Variants in COX6B1 observed in about 807,000 individuals in gnomAD.
The protein encoded by COX6B1 is COX VIb-1.
A neutral mutation model predicts 14.0 loss-of-function variants in COX6B1; 2 were observed. The observed-to-expected ratio is 0.14, with a 90% CI of 0.06 to 0.45. The LOEUF (loss-of-function observed/expected upper bound fraction) is 0.45, where lower values mean the gene tolerates loss of function less well. Among genes scored for constraint, COX6B1 ranks in the 20% least tolerant of loss-of-function variants. The pLI is 0.98. For synonymous variants in COX6B1, 30 were observed against 39.7 expected (o/e 0.76, Z 0.92); for missense variants, 81 against 114.2 (o/e 0.71, Z 1.33).
At chr19:35,652,903 A>T (rs1323835765) in intron 2 of COX6B1, among the ~76,000 whole-genome samples, 1 of 150,316 alleles carries the variant, frequency 6.7e-6, no homozygotes, top group Non-Finnish European at 1.5e-5. Flanking sequence ...GGTTCAAGTG[A>T]TTCTCCTGCC....
intron 2 of COX6B1, among the ~76,000 whole-genome samples, chr19:35,653,730 G>A (rs1016113627): frequency 4.6e-5 from 7 of 151,764 alleles, no homozygotes; most frequent in East Asian, 1.9e-4. Flanking sequence ...ACAGGTGCCC[G>A]CCACCGCGCC....
At chr19:35,652,781 T>C (rs1967841401) in intron 2 of COX6B1, among the ~76,000 whole-genome samples, 1 of 151,738 alleles carries the variant, frequency 6.6e-6, no homozygotes, top group Admixed American at 6.6e-5. Flanking sequence ...GTTTATTATT[T>C]TATTTTATTT....
intron 3 of COX6B1, among the ~76,000 whole-genome samples, chr19:35,658,345 A>G (rs933803106): frequency 2.0e-5 from 3 of 152,008 alleles, no homozygotes; most frequent in African/African-American, 4.8e-5. Context: ...ACATCTCCCC[A>G]TCGACAGCTC....
intron 2 of COX6B1, among the ~76,000 whole-genome samples, chr19:35,653,221 C>G (rs551973315): frequency 6.6e-6 from 1 of 151,862 alleles, no homozygotes; most frequent in South Asian, 2.1e-4. Flanking sequence ...GATCCACCCC[C>G]CTCAGCCTCC....
chr19:35,649,655 T>C (rs1201474882), intron 1 of COX6B1, among the ~76,000 whole-genome samples: 1 of 152,106 alleles, frequency 6.6e-6, no homozygotes, highest in African/African-American at 2.4e-5. Flanking sequence ...ATTTTTTGTA[T>C]TTTTAGTAGA....
At chr19:35,648,970 A>T (rs1967792012) in intron 1 of COX6B1, 1 of 531,290 alleles carries the variant, frequency 1.9e-6, no homozygotes, top group Non-Finnish European at 3.9e-6. Flanking sequence ...CCACTTCCCC[A>T]CCGAAAGACT....
At chr19:35,653,246 T>G (rs1967849808) in intron 2 of COX6B1, among the ~76,000 whole-genome samples, 1 of 151,332 alleles carries the variant, frequency 6.6e-6, no homozygotes, top group South Asian at 2.1e-4. Flanking sequence ...GTGCTGAGAT[T>G]ACAGGTGTAA....
chr19:35,655,004 A>AT (rs984356752), intron 3 of COX6B1, among the ~76,000 whole-genome samples: 6 of 135,598 alleles, frequency 4.4e-5, no homozygotes, highest in Non-Finnish European at 8.0e-5. Context: ...TATTAGGAAC[A>AT]TTTTTTTTTC....
chr19:35,651,373 A>C, intron 2 of COX6B1, 24 bp downstream of exon 2: 1 of 1,573,178 alleles, frequency 6.4e-7, no homozygotes, highest in Non-Finnish European at 8.7e-7. Flanking sequence ...TTCCCTGGCC[A>C]CATACCTCGA....
At position 35,658,204 on chromosome 19, in the gene COX6B1, G is replaced by A. The variant is rs141464776; in HGVS notation, c.208-390G>A. ...GTATCTTGAAGATCCATCCATTCATGCCAGAACATAAATCAGCCTCGTTTT... is the reference window on the plus strand; with the variant it reads ...GTATCTTGAAGATCCATCCATTCATACCAGAACATAAATCAGCCTCGTTTT... On this transcript the variant is annotated intron_variant, in intron 3 of 3. Coordinates refer to ENST00000649813, the MANE Select transcript of COX6B1 (RefSeq NM_001863.5). Among the ~76,000 whole-genome samples, 47 of 152,200 alleles carry A rather than the reference G, an allele frequency of 3.1e-4. 1 individual carries two copies. In the East Asian group the frequency reaches 8.9e-3, roughly 29 times the overall value.
chr19:35,653,275 TTTTA>T (rs1323699435), intron 2 of COX6B1, among the ~76,000 whole-genome samples: 3 of 149,040 alleles, frequency 2.0e-5, no homozygotes, highest in Admixed American at 6.7e-5. Flanking sequence ...GCCTGGCCAA[TTTTA>T]TTTATTTATT....
At chr19:35,651,478 C>T (rs1967824147) in intron 2 of COX6B1, 129 bp downstream of exon 2, 1 of 728,664 alleles carries the variant, frequency 1.4e-6, no homozygotes, top group African/African-American at 1.7e-5. Flanking sequence ...CCATGCCTCT[C>T]ATCACCTGCT....
At chr19:35,649,280 G>A (rs1019205354) in intron 1 of COX6B1, among the ~76,000 whole-genome samples, 15 of 151,980 alleles carry the variant, frequency 9.9e-5, no homozygotes, top group African/African-American at 3.6e-4. Context: ...TAGCAGCAGC[G>A]GTGATTTTGT....
chr19:35,650,487 A>T (rs938594996), intron 1 of COX6B1, among the ~76,000 whole-genome samples: 1 of 152,274 alleles, frequency 6.6e-6, no homozygotes, highest in Middle Eastern at 3.4e-3. Flanking sequence ...CAAGCCGGGC[A>T]GATCATTTGA....
chr19:35,651,303 C>T lies in COX6B1; in HGVS notation c.60C>T (p.Arg20=). 1.2e-6 allele frequency: 2 copies of T among 1,614,106 alleles called. No individual in the cohort carries two copies. Among genetic ancestry groups the T allele is most frequent in the Non-Finnish European group, 1.7e-6 (2 of 1,179,990 alleles). ...ACAAGACCGCCCCTTTTGACAGCCG[C>T]TTCCCCAACCAGAACCAGACTAGAA... is the stretch of plus-strand genomic sequence containing the variant. ...KNYKTAPFDS[R]FPNQNQTRNC... Residue 20 remains arginine, a synonymous_variant, in exon 2 of 4, where the codon CGC becomes CGT. Transcript: ENST00000649813.
In COX6B1 at chr19:35,656,567, G is replaced by A. The variant is rs146039675; in HGVS notation, c.207+1896G>A. On this transcript the variant is annotated intron_variant, in intron 3 of 3. Coordinates refer to ENST00000649813, the MANE Select transcript of COX6B1 (RefSeq NM_001863.5). ...GCAATCTCAGCTCACTGCAACCTCCGCCTTCCAGGTTCAGGCGATTCCCCT... is the reference window on the plus strand; with the variant it reads ...GCAATCTCAGCTCACTGCAACCTCCACCTTCCAGGTTCAGGCGATTCCCCT... 5.2e-3 allele frequency among the ~76,000 whole-genome samples: 748 copies of A among 142,908 alleles called. 10 individuals carry two copies. The highest frequency in any genetic ancestry group is 0.019 in the African/African-American group (714 of 38,374). 93.8% of individuals were successfully genotyped at this position (142,908 alleles called of 152,430 possible).
intron 2 of COX6B1, among the ~76,000 whole-genome samples, chr19:35,653,856 C>G (rs1474248742): frequency 6.6e-6 from 1 of 152,180 alleles, no homozygotes; most frequent in East Asian, 1.9e-4. Context: ...GCATGAGCCA[C>G]TAGGTCCAGC....
chr19:35,650,323 A>G (rs952826460), intron 1 of COX6B1, among the ~76,000 whole-genome samples: 1 of 152,160 alleles, frequency 6.6e-6, no homozygotes, highest in East Asian at 1.9e-4. Flanking sequence ...TCCTTAATGA[A>G]TCCTCAGCTG....
At chr19:35,654,251 A>G (rs1187229649) in intron 2 of COX6B1, among the ~76,000 whole-genome samples, 1 of 151,892 alleles carries the variant, frequency 6.6e-6, no homozygotes, top group African/African-American at 2.4e-5. Flanking sequence ...TGCTGGGTGC[A>G]GTGGCTCACG....
Sources: gnomAD v4.1 joint callset for allele counts (sites outside exome capture counted in the v4.1 genomes callset) on GRCh38, gnomAD v4.1.1 for gene constraint, MANE v1.5 for transcripts, NCBI Gene and HGNC (gene_info 2026-07-23, HGNC 2026-07-21) for gene names.